FRMPD3: variants seen among roughly 807,000 people sequenced by gnomAD.
The protein encoded by FRMPD3 is FERM and PDZ domain containing 3.
FRMPD3 carries 42 observed loss-of-function variants against 97.9 expected under a neutral mutation model. That is an observed-to-expected ratio of 0.43 (90% CI 0.34 to 0.55). The LOEUF (loss-of-function observed/expected upper bound fraction) is 0.55, where lower values mean the gene tolerates loss of function less well. FRMPD3 is among the 20% of genes least tolerant of loss of function. The probability of loss-of-function intolerance (pLI) is 0.03; values close to 1 mark genes in which losing one functional copy is unlikely to be tolerated. For missense variants in FRMPD3, 1,303 were observed against 1,457.7 expected, an observed-to-expected ratio of 0.89 and a Z score of 1.73; for synonymous variants, 577 against 581.1, an observed-to-expected ratio of 0.99 and a Z score of 0.10.
At chrX:107,562,137 G>A (rs777372555) in intron 10 of FRMPD3, among the ~76,000 whole-genome samples, 4 of 112,607 alleles carry the variant, frequency 3.6e-5, no homozygotes, top group Non-Finnish European at 7.5e-5. Flanking sequence ...TTCCCAGGCA[G>A]AGAGATCCAT....
rs374047113 is a variant in FRMPD3, at chrX:107,572,908, CTAA to C, written c.1297-3388_1297-3386del. On this transcript the variant is annotated intron_variant, in intron 12 of 14. Transcript: ENST00000683843. The stretch of plus-strand genomic sequence containing the variant: ...ACTACTACTACTACTACTACTACTA[CTAA>C]TAATAATAATAATAATAAAGTAGAA... Among the ~76,000 whole-genome samples the C allele has an allele frequency of 7.8e-4, 79 of 100,951 alleles. 1 individual carries two copies. In the East Asian group the frequency reaches 9.6e-3, roughly 12 times the overall value. 87.7% of individuals were successfully genotyped at this position (100,951 alleles called of 115,157 possible). A position where few individuals can be genotyped will look rare whatever the true frequency, so the allele number is the denominator to read the frequency against.
chrX:107,564,122 G>A (rs768560101), intron 11 of FRMPD3, among the ~76,000 whole-genome samples: 1 of 111,741 alleles, frequency 8.9e-6, no homozygotes, highest in Non-Finnish European at 1.9e-5. Context: ...AAGCTTGATT[G>A]CTCCAAGGAA....
At chrX:107,521,954 G>T (rs1374800193) in intron 1 of FRMPD3, among the ~76,000 whole-genome samples, 1 of 112,450 alleles carries the variant, frequency 8.9e-6, no homozygotes. Flanking sequence ...CGGTTCATTT[G>T]TCCTTTAGCC....
chrX:107,503,809 G>C (rs1207303874), intron 1 of FRMPD3, among the ~76,000 whole-genome samples: 1 of 112,042 alleles, frequency 8.9e-6, no homozygotes, highest in Non-Finnish European at 1.9e-5. Context: ...GTTGCAAGCT[G>C]GGGTAGGCAT....
intron 13 of FRMPD3, among the ~76,000 whole-genome samples, chrX:107,581,363 G>A (rs1923379105): frequency 9.1e-6 from 1 of 109,799 alleles, no homozygotes; most frequent in South Asian, 3.9e-4. Flanking sequence ...CGCCCACCTC[G>A]GCCTCCCAAA....
At position 107,554,405 on chromosome X, in the gene FRMPD3, T is replaced by G. The variant is rs747230839; in HGVS notation, c.663T>G (p.Tyr221Ter). 1 of 1,209,384 alleles carries G rather than the reference T, an allele frequency of 8.3e-7. No individual in the cohort carries two copies. The highest frequency in any genetic ancestry group is 1.1e-6 in the Non-Finnish European group (1 of 894,617). ...PLAYVVQRTH[Y>*]HGMKCLFRIS... ...TTCAGGTGGTACAGCGGACACACTA[T>G]CATGGAATGAAATGCCTCTTCCGAA... Residue 221 changes from tyrosine (Y) to a stop codon, truncating the protein, a stop_gained, in exon 8 of 15, where the codon TAT becomes TAG. Coordinates refer to ENST00000683843, the MANE Select transcript of FRMPD3 (RefSeq NM_001388459.1). LOFTEE classifies it high-confidence loss of function.
chrX:107,472,911 G>T (rs1400973702), intron 1 of FRMPD3, among the ~76,000 whole-genome samples: 1 of 112,225 alleles, frequency 8.9e-6, no homozygotes, highest in Non-Finnish European at 1.9e-5. Flanking sequence ...GAATCAGTGA[G>T]CTCATGTAGG....
intron 1 of FRMPD3, among the ~76,000 whole-genome samples, chrX:107,477,467 A>G (rs1921230819): frequency 8.9e-6 from 1 of 112,636 alleles, no homozygotes; most frequent in African/African-American, 3.2e-5. Flanking sequence ...AGTTCTAGAG[A>G]AGCAAGTCTG....
At chrX:107,473,239 T>A (rs1275669485) in intron 1 of FRMPD3, among the ~76,000 whole-genome samples, 1 of 112,163 alleles carries the variant, frequency 8.9e-6, no homozygotes, top group Non-Finnish European at 1.9e-5. Flanking sequence ...TTCTCTCTTT[T>A]TCTACGGAAA....
chrX:107,499,526 A>G (rs1318166647), intron 1 of FRMPD3, among the ~76,000 whole-genome samples: 1 of 112,072 alleles, frequency 8.9e-6, no homozygotes, highest in Non-Finnish European at 1.9e-5. Context: ...TCCATTAATA[A>G]TCCACAGTAT....
At chrX:107,479,878 A>G (rs1030860967) in intron 1 of FRMPD3, among the ~76,000 whole-genome samples, 5 of 106,745 alleles carry the variant, frequency 4.7e-5, no homozygotes, top group Admixed American at 1.0e-4. Flanking sequence ...AGAGAGAGAG[A>G]GGGTGCAAAA....
At chrX:107,523,229 T>C (rs190763637) in intron 1 of FRMPD3, among the ~76,000 whole-genome samples, 2 of 111,731 alleles carry the variant, frequency 1.8e-5, no homozygotes, top group East Asian at 5.6e-4. Flanking sequence ...GGTCTGTTAA[T>C]GGAGGTGTTT....
intron 13 of FRMPD3, among the ~76,000 whole-genome samples, chrX:107,580,815 A>C (rs1287442604): frequency 9.0e-6 from 1 of 111,382 alleles, no homozygotes; most frequent in Non-Finnish European, 1.9e-5. Context: ...TAGATACAGT[A>C]AAGCCCAGTA....
Position 107,541,489 on chromosome X carries a change from G to GA in FRMPD3, c.298-4244dup, listed in dbSNP as rs1921299738. ...ATGAGGACTGAAGTATAAACAAGCT[G>GA]AAAATAACTCTGAAACAGACACCTG... On this transcript the variant is annotated intron_variant, in intron 4 of 14. Coordinates refer to ENST00000683843, the MANE Select transcript of FRMPD3 (RefSeq NM_001388459.1). Among the ~76,000 whole-genome samples, 3 of 112,572 alleles carry GA rather than the reference G, an allele frequency of 2.7e-5. No homozygotes were observed. The South Asian group carries it at 1.1e-3, about 42-fold the overall frequency.
At position 107,589,272 on chromosome X, in the gene FRMPD3, TTTG is replaced by T. The variant is rs901591779; in HGVS notation, c.1442-8039_1442-8037del. Among the ~76,000 whole-genome samples the T allele has an allele frequency of 1.5e-4, 17 of 110,748 alleles. 1 individual carries two copies. The highest frequency in any genetic ancestry group is 9.6e-4 in the Admixed American group (10 of 10,382). On this transcript the variant is annotated intron_variant, in intron 13 of 14. Coordinates refer to ENST00000683843, the MANE Select transcript of FRMPD3 (RefSeq NM_001388459.1). ...CTTGGATGGGGTTTTGGTGGGAGCT[TTTG>T]TTGTTGTTGATGCTGTTGTTATTGA...
At chrX:107,541,237 G>A (rs943417126) in intron 4 of FRMPD3, among the ~76,000 whole-genome samples, 9 of 112,598 alleles carry the variant, frequency 8.0e-5, no homozygotes, top group South Asian at 3.7e-4. Context: ...CTAATATTAC[G>A]AACTTCAAGC....
At position 107,505,913 on chromosome X, in the gene FRMPD3, G is replaced by A. The variant is rs775433279; in HGVS notation, c.-7-20669G>A. On this transcript the variant is annotated intron_variant, in intron 1 of 14. Coordinates refer to ENST00000683843, the MANE Select transcript of FRMPD3 (RefSeq NM_001388459.1). ...GGAGTCAGAATCAGCCCCATGGGAC[G>A]AGGATTCTCTCCACGTTGTCTCTGC... Among the ~76,000 whole-genome samples the A allele has an allele frequency of 2.7e-5, 3 of 111,640 alleles. No individual in the cohort carries two copies. In the East Asian group the frequency reaches 8.5e-4, roughly 31 times the overall value.
intron 4 of FRMPD3, among the ~76,000 whole-genome samples, chrX:107,539,151 T>A (rs1369499817): frequency 8.9e-6 from 1 of 112,498 alleles, no homozygotes; most frequent in Non-Finnish European, 1.9e-5. Context: ...GGTATTGGTC[T>A]TTTGAAAAGG....
intron 13 of FRMPD3, among the ~76,000 whole-genome samples, chrX:107,595,795 G>A (rs373337468): frequency 9.1e-6 from 1 of 109,710 alleles, no homozygotes; most frequent in Non-Finnish European, 1.9e-5. Context: ...AAAATTAGTC[G>A]GGCGTGGTGG....
Sources: gnomAD v4.1 joint callset for allele counts (sites outside exome capture counted in the v4.1 genomes callset) on GRCh38, gnomAD v4.1.1 for gene constraint, MANE v1.5 for transcripts, NCBI Gene and HGNC (gene_info 2026-07-23, HGNC 2026-07-21) for gene names.